The following GPC6 variants were observed in gnomAD, a reference collection of about 807,000 sequenced individuals.
GPC6 encodes the protein glypican 6.
In GPC6, 14 loss-of-function variants were observed where a neutral mutation model predicts 55.2. The observed-to-expected ratio is 0.25, with a 90% CI of 0.17 to 0.40. The LOEUF (loss-of-function observed/expected upper bound fraction) is 0.40. Ranked by LOEUF, GPC6 falls within the 10% of genes least tolerant of loss-of-function variation. GPC6 has a pLI of 1.00. For synonymous variants in GPC6, 278 were observed against 259.6 expected (o/e 1.07, Z -0.68); for missense variants, 641 against 708.5 (o/e 0.90, Z 1.08).
At chr13:94,045,384 C>CT (rs1444189360) in intron 4 of GPC6, among the ~76,000 whole-genome samples, 1 of 151,792 alleles carries the variant, frequency 6.6e-6, no homozygotes, top group African/African-American at 2.4e-5. Context: ...TTCTTAGTAT[C>CT]TAAAACCATA....
intron 2 of GPC6, among the ~76,000 whole-genome samples, chr13:93,701,801 C>T (rs1402095103): frequency 6.6e-6 from 1 of 152,016 alleles, no homozygotes; most frequent in Non-Finnish European, 1.5e-5. Flanking sequence ...ACGCCTCATC[C>T]TTTCAAGTGT....
intron 4 of GPC6, among the ~76,000 whole-genome samples, chr13:94,259,463 G>A (rs916586414): frequency 6.6e-6 from 1 of 152,148 alleles, no homozygotes; most frequent in African/African-American, 2.4e-5. Flanking sequence ...TGCTAGCATT[G>A]GTTGGTTTAG....
intron 3 of GPC6, among the ~76,000 whole-genome samples, chr13:94,002,571 A>G (rs552132187): frequency 4.0e-4 from 61 of 152,290 alleles, no homozygotes; most frequent in South Asian, 2.1e-3. Flanking sequence ...GTAGAGAGAC[A>G]CACTTAAAGT....
intron 2 of GPC6, among the ~76,000 whole-genome samples, chr13:93,604,595 C>T (rs1370904973): frequency 1.3e-5 from 2 of 151,698 alleles, no homozygotes; most frequent in African/African-American, 4.8e-5. Context: ...TTTTCATTAT[C>T]GCTGCTATCG....
intron 2 of GPC6, among the ~76,000 whole-genome samples, chr13:93,680,815 G>C (rs16949105): frequency 6.6e-6 from 1 of 152,008 alleles, no homozygotes; most frequent in African/African-American, 2.4e-5. Flanking sequence ...TGTGTTATTC[G>C]TTTTTGGCCT....
intron 3 of GPC6, among the ~76,000 whole-genome samples, chr13:94,010,816 C>T (rs1011634297): frequency 6.6e-6 from 1 of 152,016 alleles, no homozygotes; most frequent in Admixed American, 6.6e-5. Context: ...TTTTTAAATG[C>T]AGAAATTAAT....
At chr13:93,608,579 T>A (rs992439622) in intron 2 of GPC6, among the ~76,000 whole-genome samples, 1 of 152,182 alleles carries the variant, frequency 6.6e-6, no homozygotes, top group African/African-American at 2.4e-5. Context: ...CTATTTGAGG[T>A]CCTCTCTAGC....
chr13:93,698,930 C>A (rs1882574534), intron 2 of GPC6, among the ~76,000 whole-genome samples: 1 of 151,792 alleles, frequency 6.6e-6, no homozygotes, highest in Non-Finnish European at 1.5e-5. Flanking sequence ...AGGTGGGTGG[C>A]TTCTGTTATA....
At chr13:94,356,077 A>ACATGTCCCTGCAGCTCCATC (rs1269744080) in intron 6 of GPC6, among the ~76,000 whole-genome samples, 1 of 151,404 alleles carries the variant, frequency 6.6e-6, no homozygotes, top group Non-Finnish European at 1.5e-5. Context: ...CCTGCAAAGG[A>ACATGTCCCTGCAGCTCCATC]CATGTCCCTG....
At chr13:94,039,495 G>T (rs1883456744) in intron 4 of GPC6, among the ~76,000 whole-genome samples, 1 of 151,858 alleles carries the variant, frequency 6.6e-6, no homozygotes, top group African/African-American at 2.4e-5. Flanking sequence ...CATCAGATAT[G>T]ACTGAGATAA....
chr13:93,721,242 T>G (rs1443547801), intron 2 of GPC6, among the ~76,000 whole-genome samples: 1 of 152,000 alleles, frequency 6.6e-6, no homozygotes, highest in East Asian at 1.9e-4. Context: ...TGAATCTGGG[T>G]GCTCCTGTAT....
At chr13:94,162,889 C>A (rs1888217721) in intron 4 of GPC6, among the ~76,000 whole-genome samples, 1 of 152,072 alleles carries the variant, frequency 6.6e-6, no homozygotes, top group African/African-American at 2.4e-5. Flanking sequence ...TCTTTAATGA[C>A]ACCATGGACA....
chr13:94,318,212 C>T (rs1409089436), intron 6 of GPC6, among the ~76,000 whole-genome samples: 1 of 152,128 alleles, frequency 6.6e-6, no homozygotes, highest in African/African-American at 2.4e-5. Flanking sequence ...TATCTGTTTG[C>T]TCTATCAATT....
chr13:94,148,726 A>G (rs1456739130), intron 4 of GPC6, among the ~76,000 whole-genome samples: 1 of 152,168 alleles, frequency 6.6e-6, no homozygotes, highest in African/African-American at 2.4e-5. Flanking sequence ...AAAATAAAGC[A>G]GAAGCACTAA....
chr13:94,136,357 A>G (rs575553868), intron 4 of GPC6, among the ~76,000 whole-genome samples: 3 of 152,294 alleles, frequency 2.0e-5, no homozygotes, highest in African/African-American at 4.8e-5. Context: ...GAGGCCAGGC[A>G]TGGCGATAAG....
At chr13:93,931,068 C>T (rs145617116) in intron 3 of GPC6, among the ~76,000 whole-genome samples, 1 of 152,184 alleles carries the variant, frequency 6.6e-6, no homozygotes, top group Non-Finnish European at 1.5e-5. Context: ...GGTGCTAGCC[C>T]ATTCAAGAGA....
intron 6 of GPC6, among the ~76,000 whole-genome samples, chr13:94,362,684 T>C (rs1441514139): frequency 1.3e-5 from 2 of 152,158 alleles, no homozygotes; most frequent in African/African-American, 4.8e-5. Flanking sequence ...CAAGTCACTG[T>C]TCGACTTTTT....
intron 4 of GPC6, among the ~76,000 whole-genome samples, chr13:94,092,899 T>C (rs1885540975): frequency 6.6e-6 from 1 of 152,162 alleles, no homozygotes; most frequent in Admixed American, 6.5e-5. Flanking sequence ...ATGTTTTATA[T>C]ACCTTTTGAC....
chr13:94,252,350 G>C (rs1002490594), intron 4 of GPC6, among the ~76,000 whole-genome samples: 27 of 152,110 alleles, frequency 1.8e-4, no homozygotes, highest in African/African-American at 6.3e-4. Context: ...TCGACGACCA[G>C]GTCATGCATA....
Sources: allele counts gnomAD v4.1 joint callset (sites outside exome capture counted in the v4.1 genomes callset), GRCh38; gene constraint gnomAD v4.1.1; transcripts MANE v1.5; gene names NCBI Gene and HGNC (gene_info 2026-07-23, HGNC 2026-07-21).